Variants in HEPH observed in about 807,000 individuals in gnomAD.
HEPH encodes hephaestin.
Under a neutral mutation model 80.8 loss-of-function variants are expected in HEPH, and 69 were observed. The ratio of observed to expected loss-of-function variants is 0.85; its 90% CI spans 0.70 to 1.04. HEPH has a LOEUF of 1.04. HEPH is among the 50% of genes least tolerant of loss of function. The pLI, the probability that HEPH is intolerant of heterozygous loss-of-function variation, is 0.00. For synonymous variants in HEPH, 431 were observed against 322.8 expected, an observed-to-expected ratio of 1.34 and a Z score of -3.60; for missense variants, 1,115 against 891.3, an observed-to-expected ratio of 1.25 and a Z score of -3.20.
rs2091311496 is a variant in HEPH, at chrX:66,260,131, A to G, written c.3068A>G (p.Asp1023Gly). The stretch of plus-strand genomic sequence containing the variant: ...GAGAACTACCGGGCAGATGTGGTGG[A>G]TCTGTTCCCAGGGACTTTTGAGGTT... ...NGENYRADVV[D>G]LFPGTFEVVE... The change falls in exon 19 of 21, where the codon GAT becomes GGT. Residue 1023 changes from aspartate (D) to glycine (G), a missense_variant. Coordinates refer to ENST00000343002, the MANE Select transcript of HEPH (RefSeq NM_001367233.3). The G allele has an allele frequency of 2.5e-6, 3 of 1,206,371 alleles. No homozygotes were observed. The Admixed American group carries it at 6.6e-5, about 27-fold the overall frequency.
At chrX:66,227,389 T>A (rs1034638547) in intron 15 of HEPH, among the ~76,000 whole-genome samples, 3 of 111,091 alleles carry the variant, frequency 2.7e-5, no homozygotes, top group African/African-American at 9.8e-5. Flanking sequence ...AAGACAAGGA[T>A]GCCCACTTTC....
intron 15 of HEPH, among the ~76,000 whole-genome samples, chrX:66,211,204 G>A (rs2089097066): frequency 9.0e-6 from 1 of 111,175 alleles, no homozygotes; most frequent in Non-Finnish European, 1.9e-5. Flanking sequence ...TTATTTAAGA[G>A]GAGGTACTCT....
chrX:66,263,439 C>T (rs1233550033), intron 19 of HEPH, among the ~76,000 whole-genome samples: 1 of 111,843 alleles, frequency 8.9e-6, no homozygotes, highest in Non-Finnish European at 1.9e-5. Context: ...CAAGCCTGTT[C>T]TCTTGCCCAT....
At chrX:66,198,808 T>C in intron 10 of HEPH, 70 bp from the exon 11 acceptor site, 1 of 828,812 alleles carries the variant, frequency 1.2e-6, no homozygotes, top group East Asian at 3.2e-5. Flanking sequence ...CCTTGATCTG[T>C]AACGACACAG....
intron 1 of HEPH, among the ~76,000 whole-genome samples, chrX:66,165,931 A>C (rs1017368191): frequency 1.8e-5 from 2 of 111,037 alleles, no homozygotes; most frequent in African/African-American, 3.3e-5. Context: ...AGCTGAGAAA[A>C]AAAATATCCT....
intron 19 of HEPH, 107 bp from the exon 20 acceptor site, chrX:66,263,537 T>A: frequency 1.1e-5 from 9 of 846,967 alleles, no homozygotes; most frequent in Middle Eastern, 2.8e-4. Context: ...TTTGCTTACT[T>A]AATCACAGAG....
At chrX:66,202,644 C>T (rs905441241) in intron 12 of HEPH, among the ~76,000 whole-genome samples, 7 of 110,197 alleles carry the variant, frequency 6.4e-5, no homozygotes, top group Non-Finnish European at 1.3e-4. Context: ...TTTCTTTTTA[C>T]CTAACTATTG....
intron 19 of HEPH, among the ~76,000 whole-genome samples, chrX:66,262,832 A>T (rs1303493982): frequency 8.9e-6 from 1 of 111,782 alleles, no homozygotes; most frequent in African/African-American, 3.2e-5. Context: ...TTTTTGAAAT[A>T]AAGTGTATTA....
intron 1 of HEPH, chrX:66,170,251 A>G (rs2086536729): frequency 5.7e-6 from 1 of 175,565 alleles, no homozygotes; most frequent in Non-Finnish European, 1.1e-5. Context: ...CTGTTTCCTG[A>G]TTCTTGGGAC....
At position 66,266,725 on chromosome X, in the gene HEPH, C is replaced by G; in HGVS notation, c.*53C>G. ...AAGCACATCTGTAGTGCACTCCCAGCAGGCCATGGACTAGTCACTAACCCC... is the reference window on the plus strand; with the variant it reads ...AAGCACATCTGTAGTGCACTCCCAGGAGGCCATGGACTAGTCACTAACCCC... On this transcript the variant is annotated 3_prime_UTR_variant, in exon 21 of 21. Coordinates refer to ENST00000343002, the MANE Select transcript of HEPH (RefSeq NM_001367233.3). 1 of 890,172 alleles carries G rather than the reference C, an allele frequency of 1.1e-6. No homozygotes were observed. Among genetic ancestry groups the G allele is most frequent in the Non-Finnish European group, 1.6e-6 (1 of 618,138 alleles). The allele number at this position is 890,172 out of a possible 1,213,427, so 73.4% of individuals were successfully genotyped here. A position where few individuals can be genotyped will look rare whatever the true frequency, so the allele number is the denominator to read the frequency against.
chrX:66,180,046 T>A (rs936251980), intron 4 of HEPH, among the ~76,000 whole-genome samples: 1 of 111,832 alleles, frequency 8.9e-6, no homozygotes, highest in Non-Finnish European at 1.9e-5. Context: ...TTTTGTATTT[T>A]TTAAGTGGGG....
At chrX:66,177,945 G>A (rs760343347) in intron 4 of HEPH, among the ~76,000 whole-genome samples, 1 of 84,327 alleles carries the variant, frequency 1.2e-5, no homozygotes, top group African/African-American at 8.3e-5. Flanking sequence ...TCAGATTGAA[G>A]AATTTTTTTT....
chrX:66,189,885 C>T lies in HEPH; in HGVS notation c.1010C>T (p.Pro337Leu). Reference sequence around the variant, plus strand: ...ACCTTTGTGACTGCTGAGATGGTGCCCTGGGAACCTGGTACCTGGTTAATT... The same window carrying T: ...ACCTTTGTGACTGCTGAGATGGTGCTCTGGGAACCTGGTACCTGGTTAATT... ...PATFVTAEMV[P>L]WEPGTWLISC... The change falls in exon 6 of 21, where the codon CCC becomes CTC. Residue 337 changes from proline to leucine, a missense_variant. This residue lies in a region of HEPH where 391 missense variants were observed against 343.6 expected (regional missense o/e 1.14). Transcript: ENST00000343002. 8.4e-7 allele frequency: 1 copy of T among 1,195,697 alleles called. No individual in the cohort carries two copies. The highest frequency in any genetic ancestry group is 1.1e-6 in the Non-Finnish European group (1 of 887,035).
chrX:66,244,590 G>A (rs2090730450), intron 15 of HEPH, among the ~76,000 whole-genome samples: 1 of 110,760 alleles, frequency 9.0e-6, no homozygotes, highest in African/African-American at 3.3e-5. Flanking sequence ...TTTAAATTGG[G>A]TTTCTACTTT....
chrX:66,217,734 A>G (rs758168818), intron 15 of HEPH, among the ~76,000 whole-genome samples: 10 of 112,077 alleles, frequency 8.9e-5, no homozygotes, highest in African/African-American at 3.2e-4. Context: ...TTTAAAAGAT[A>G]CAGAATAGCA....
At position 66,192,091 on chromosome X, in the gene HEPH, T is replaced by A. The variant is rs749690413; in HGVS notation, c.1064-39T>A. ...GTGAGTCCTCTGGGTTAAAATCCTA[T>A]TGGATAGAATGGGGTCAGCCATAAT... On this transcript the variant is annotated intron_variant, in intron 6 of 20. Coordinates refer to ENST00000343002, the MANE Select transcript of HEPH (RefSeq NM_001367233.3). The A allele has an allele frequency of 7.7e-6, 9 of 1,164,871 alleles. No homozygotes were observed. The Admixed American group carries it at 2.0e-4, about 26-fold the overall frequency.
At chrX:66,259,002 T>A in intron 18 of HEPH, 23 bp downstream of exon 18, 1 of 1,189,906 alleles carries the variant, frequency 8.4e-7, no homozygotes, top group Non-Finnish European at 1.1e-6. Flanking sequence ...ATGGGCTGAG[T>A]CCCTCAAGGA....
intron 19 of HEPH, 26 bp from the exon 20 acceptor site, chrX:66,263,618 C>A: frequency 8.3e-7 from 1 of 1,207,149 alleles, no homozygotes; most frequent in Non-Finnish European, 1.1e-6. Context: ...TAAGGCTAAC[C>A]TCTTGTCTTT....
In HEPH at chrX:66,208,228, C is replaced by T; in HGVS notation, c.2545C>T (p.Pro849Ser). Residue 849 changes from proline to serine, a missense_variant, in exon 15 of 21, where the codon CCA becomes TCA. Physicochemically the swap from Pro to Ser is moderately conservative, Grantham distance 74 (BLOSUM62 -1). This residue lies in a region of HEPH where 716 missense variants were observed against 523.5 expected (regional missense o/e 1.37). Transcript: ENST00000343002. ...AGTGCTAGAATCTACTACTGTCTGG[C>T]CACTGGCTGCTGAGCCTGGTGAGTG... ...HGVLESTTVW[P>S]LAAEPGEVVT... 2 of 1,207,707 alleles carry T rather than the reference C, an allele frequency of 1.7e-6. No individual in the cohort carries two copies. The highest frequency in any genetic ancestry group is 2.2e-6 in the Non-Finnish European group (2 of 893,222).
Sources: allele counts gnomAD v4.1 joint callset (sites outside exome capture counted in the v4.1 genomes callset), GRCh38; gene constraint gnomAD v4.1.1; regional missense constraint gnomAD v4.1.1; transcripts MANE v1.5; gene names NCBI Gene and HGNC (gene_info 2026-07-23, HGNC 2026-07-21).